The following ZFTRAF1 variants were observed in gnomAD, a reference collection of about 807,000 sequenced individuals.
ZFTRAF1 encodes the protein zinc finger TRAF-type-containing protein 1.
the ZFTRAF1 span, among the ~76,000 whole-genome samples, chr8:144,461,946 T>G: frequency 1.3e-5 from 2 of 151,860 alleles, no homozygotes; most frequent in East Asian, 3.9e-4. Context: ...TTTGAGGCTG[T>G]GGGTTGGGAG....
chr8:144,462,368 G>T, the ZFTRAF1 span: 1 of 403,552 alleles, frequency 2.5e-6, no homozygotes, highest in Non-Finnish European at 4.5e-6. Context: ...CCCGCTGCCG[G>T]CCGCCGCCGC....
the ZFTRAF1 span, chr8:144,453,582 C>T: frequency 1.2e-6 from 1 of 857,968 alleles, no homozygotes; most frequent in East Asian, 2.7e-5. Flanking sequence ...CAGAGGGGCG[C>T]ACGTGCCTGT....
chr8:144,461,729 G>A, the ZFTRAF1 span, among the ~76,000 whole-genome samples: 16 of 152,296 alleles, frequency 1.1e-4, no homozygotes, highest in African/African-American at 2.6e-4. Context: ...TGTTCTTCAG[G>A]ATGAACTGGA....
chr8:144,453,751 G>C, the ZFTRAF1 span: 4 of 356,884 alleles, frequency 1.1e-5, no homozygotes, highest in Non-Finnish European at 2.1e-5. Flanking sequence ...CAGCCACCTG[G>C]GGCCGAGGGT....
the ZFTRAF1 span, among the ~76,000 whole-genome samples, chr8:144,461,601 C>T: frequency 3.3e-5 from 5 of 152,088 alleles, no homozygotes; most frequent in Non-Finnish European, 2.9e-5. Flanking sequence ...AGGAGCCTAG[C>T]GTGGGGCATG....
chr8:144,455,569 C>G, the ZFTRAF1 span: 1 of 152,354 alleles, frequency 6.6e-6, no homozygotes, highest in Non-Finnish European at 1.5e-5. Flanking sequence ...CCCCGCCCCC[C>G]GGAGGTATGC....
the ZFTRAF1 span, among the ~76,000 whole-genome samples, chr8:144,462,083 G>A: frequency 6.6e-6 from 1 of 152,198 alleles, no homozygotes; most frequent in Non-Finnish European, 1.5e-5. Context: ...GGAAAATAAA[G>A]CCCTGAGAGA....
chr8:144,460,181 C>T, the ZFTRAF1 span, among the ~76,000 whole-genome samples: 4 of 152,212 alleles, frequency 2.6e-5, no homozygotes, highest in African/African-American at 9.6e-5. Context: ...CAGCACTCCT[C>T]GCTCAGCTGC....
the ZFTRAF1 span, among the ~76,000 whole-genome samples, chr8:144,460,869 G>A: frequency 1.3e-5 from 2 of 152,200 alleles, no homozygotes; most frequent in Non-Finnish European, 2.9e-5. Flanking sequence ...GGGTGACAGA[G>A]TGAGACTCCG....
chr8:144,452,663 C>A, the ZFTRAF1 span: 1 of 1,223,290 alleles, frequency 8.2e-7, no homozygotes, highest in Non-Finnish European at 1.1e-6. Context: ...CAGCTAAGAA[C>A]CCCTTCCTGC....
the ZFTRAF1 span, chr8:144,452,590 C>G: frequency 1.5e-5 from 23 of 1,533,268 alleles, 1 homozygote; most frequent in Middle Eastern, 1.7e-4. Flanking sequence ...GCAGGTACAT[C>G]ACTCACAGAC....
the ZFTRAF1 span, among the ~76,000 whole-genome samples, chr8:144,452,939 C>G: frequency 6.6e-6 from 1 of 152,246 alleles, no homozygotes; most frequent in Non-Finnish European, 1.5e-5. Flanking sequence ...TGAGGTCCTG[C>G]GTTGGACACG....
At chr8:144,456,117 G>A in the ZFTRAF1 span, 2 of 152,366 alleles carry the variant, frequency 1.3e-5, no homozygotes, top group Non-Finnish European at 2.9e-5. Context: ...TCAGAACACA[G>A]GGAGTCCCTA....
chr8:144,462,300 TG>T, the ZFTRAF1 span: 1 of 596,912 alleles, frequency 1.7e-6, no homozygotes, highest in Middle Eastern at 4.2e-4. Context: ...ACGGAGGCCT[TG>T]GGCAGGTCCA....
the ZFTRAF1 span, chr8:144,449,860 C>T: frequency 5.9e-6 from 1 of 169,394 alleles, no homozygotes; most frequent in African/African-American, 2.4e-5. Context: ...CAGGCTCTGA[C>T]CCCCAGGCCA....
the ZFTRAF1 span, among the ~76,000 whole-genome samples, chr8:144,458,311 G>T: frequency 1.3e-5 from 2 of 152,226 alleles, no homozygotes; most frequent in Non-Finnish European, 2.9e-5. Flanking sequence ...TAACTCAAAT[G>T]ATAACCACCA....
the ZFTRAF1 span, among the ~76,000 whole-genome samples, chr8:144,462,069 G>A: frequency 1.3e-5 from 2 of 152,178 alleles, no homozygotes; most frequent in Non-Finnish European, 2.9e-5. Context: ...GGGGGGTCCC[G>A]AGCGGAAAAT....
At chr8:144,460,880 T>C in the ZFTRAF1 span, among the ~76,000 whole-genome samples, 3 of 151,814 alleles carry the variant, frequency 2.0e-5, no homozygotes, top group Non-Finnish European at 4.4e-5. Flanking sequence ...TGAGACTCCG[T>C]CTCAAAAAAA....
the ZFTRAF1 span, chr8:144,453,540 C>T: frequency 1.5e-6 from 2 of 1,312,040 alleles, no homozygotes; most frequent in Non-Finnish European, 2.1e-6. Context: ...CCATCAGCTC[C>T]AGCCAGGTGT....
Sources: gnomAD v4.1 joint callset for allele counts (sites outside exome capture counted in the v4.1 genomes callset) on GRCh38, gnomAD v4.1.1 for gene constraint, MANE v1.5 for transcripts, NCBI Gene and HGNC (gene_info 2026-07-23, HGNC 2026-07-21) for gene names.